The following NLGN1 variants were observed in gnomAD, a reference collection of about 807,000 sequenced individuals.
NLGN1 encodes neuroligin-1.
In NLGN1, 12 loss-of-function variants were observed where a neutral mutation model predicts 65.5. The observed-to-expected ratio is 0.18, with a 90% CI of 0.12 to 0.30. The LOEUF is 0.30. NLGN1 is among the 10% of genes least tolerant of loss of function. The pLI, the probability that NLGN1 is intolerant of heterozygous loss-of-function variation, is 1.00. For synonymous variants in NLGN1, 350 were observed against 359.5 expected, an observed-to-expected ratio of 0.97 and a Z score of 0.30; for missense variants, 750 against 1,007.1, an observed-to-expected ratio of 0.74 and a Z score of 3.46.
At chr3:173,621,457 G>T (rs1392377198) in intron 3 of NLGN1, among the ~76,000 whole-genome samples, 1 of 152,056 alleles carries the variant, frequency 6.6e-6, no homozygotes, top group East Asian at 1.9e-4. Context: ...TAAAATATCA[G>T]AACCCTGGAG....
intron 3 of NLGN1, among the ~76,000 whole-genome samples, chr3:173,626,038 G>C (rs1175921034): frequency 6.6e-6 from 1 of 151,936 alleles, no homozygotes; most frequent in African/African-American, 2.4e-5. Flanking sequence ...TCCCTTCTCT[G>C]TTTATAACCT....
chr3:173,689,646 T>C (rs1309770961), intron 3 of NLGN1, among the ~76,000 whole-genome samples: 3 of 152,280 alleles, frequency 2.0e-5, no homozygotes, highest in Non-Finnish European at 4.4e-5. Context: ...TCCCATGCGC[T>C]GCAAAATCAT....
At chr3:173,448,914 T>C (rs1237840334) in intron 2 of NLGN1, among the ~76,000 whole-genome samples, 1 of 152,212 alleles carries the variant, frequency 6.6e-6, no homozygotes, top group Non-Finnish European at 1.5e-5. Flanking sequence ...TGACATCCCC[T>C]TTTTCATTTT....
chr3:173,443,908 G>C (rs1052259171), intron 2 of NLGN1, among the ~76,000 whole-genome samples: 1 of 152,042 alleles, frequency 6.6e-6, no homozygotes, highest in Non-Finnish European at 1.5e-5. Flanking sequence ...TGTATAAATG[G>C]CTCACTTAAC....
intron 2 of NLGN1, among the ~76,000 whole-genome samples, chr3:173,513,879 T>A (rs1577054011): frequency 6.8e-6 from 1 of 148,092 alleles, no homozygotes; most frequent in Non-Finnish European, 1.5e-5. Context: ...TACAAAAAAA[T>A]TAGCCGGGTG....
Position 174,138,298 on chromosome 3 carries a change from C to T in NLGN1, c.647-137017C>T, listed in dbSNP as rs1310715178. 5.3e-5 allele frequency among the ~76,000 whole-genome samples: 8 copies of T among 152,160 alleles called. No individual in the cohort carries two copies. The East Asian group carries it at 1.5e-3, about 29-fold the overall frequency. ...AGTTATCAGAAAAAAATGTTGGTTGCCACAATGTATGCAAATTATTTTCAA... is the reference window on the plus strand; with the variant it reads ...AGTTATCAGAAAAAAATGTTGGTTGTCACAATGTATGCAAATTATTTTCAA... On this transcript the variant is annotated intron_variant, in intron 4 of 6. Coordinates refer to ENST00000457714, the Ensembl canonical transcript of NLGN1.
At chr3:173,512,605 G>A (rs980209519) in intron 2 of NLGN1, among the ~76,000 whole-genome samples, 2 of 152,144 alleles carry the variant, frequency 1.3e-5, no homozygotes, top group East Asian at 1.9e-4. Context: ...GGAAACATTC[G>A]ATTGATAAAA....
chr3:173,618,717 G>T (rs2149494335), intron 3 of NLGN1, among the ~76,000 whole-genome samples: 1 of 152,228 alleles, frequency 6.6e-6, no homozygotes. Flanking sequence ...TAAATAGAGT[G>T]GCCAGTGGCT....
chr3:173,488,902 C>CTT (rs528549330), intron 2 of NLGN1, among the ~76,000 whole-genome samples: 4,415 of 143,982 alleles, frequency 0.031, 203 homozygotes, highest in African/African-American at 0.1. Context: ...CTTCAGCTTT[C>CTT]TTTTTTTTTT....
At chr3:173,405,351 A>G (rs891291179) in intron 1 of NLGN1, among the ~76,000 whole-genome samples, 5 of 151,524 alleles carry the variant, frequency 3.3e-5, no homozygotes, top group African/African-American at 1.2e-4. Context: ...TTGTCTGGTC[A>G]TGCTAAGAAG....
chr3:173,429,515 G>A (rs1403239724), intron 1 of NLGN1, among the ~76,000 whole-genome samples: 4 of 152,070 alleles, frequency 2.6e-5, no homozygotes, highest in Non-Finnish European at 4.4e-5. Context: ...TTGTCTTTTC[G>A]TGGAGGTCAT....
At chr3:174,114,824 A>G (rs760827656) in intron 4 of NLGN1, among the ~76,000 whole-genome samples, 2 of 152,128 alleles carry the variant, frequency 1.3e-5, no homozygotes, top group Admixed American at 6.6e-5. Context: ...TAACAATACT[A>G]GGAAGAGACT....
chr3:173,933,984 A>T (rs1286790698), intron 4 of NLGN1, among the ~76,000 whole-genome samples: 1 of 151,852 alleles, frequency 6.6e-6, no homozygotes, highest in Non-Finnish European at 1.5e-5. Flanking sequence ...CCTCTCATTG[A>T]AGGAGAAATG....
At chr3:174,063,426 A>C (rs867274418) in intron 4 of NLGN1, among the ~76,000 whole-genome samples, 1 of 152,186 alleles carries the variant, frequency 6.6e-6, no homozygotes, top group African/African-American at 2.4e-5. Context: ...AGAGCACTGG[A>C]AATTATCAAT....
chr3:173,667,232 C>T (rs931613949), intron 3 of NLGN1, among the ~76,000 whole-genome samples: 7 of 135,644 alleles, frequency 5.2e-5, no homozygotes, highest in East Asian at 4.7e-4. Context: ...ATGAAACACA[C>T]GCATATGCAC....
intron 4 of NLGN1, among the ~76,000 whole-genome samples, chr3:174,017,780 G>A (rs1275393706): frequency 1.3e-5 from 2 of 152,046 alleles, no homozygotes; most frequent in Non-Finnish European, 2.9e-5. Flanking sequence ...TGCTTCACAA[G>A]GTAATAAAAT....
chr3:174,259,829 C>A (rs1256963710), intron 4 of NLGN1, among the ~76,000 whole-genome samples: 3 of 113,588 alleles, frequency 2.6e-5, no homozygotes, highest in Non-Finnish European at 5.3e-5. Context: ...TGCTATCCCT[C>A]CCCCCTCCCC....
At chr3:173,519,098 A>G (rs985215495) in intron 2 of NLGN1, among the ~76,000 whole-genome samples, 1 of 152,202 alleles carries the variant, frequency 6.6e-6, no homozygotes, top group Non-Finnish European at 1.5e-5. Flanking sequence ...GGTGCAAACT[A>G]TAAGTCTTTG....
At chr3:173,930,931 A>G (rs1453285974) in intron 4 of NLGN1, among the ~76,000 whole-genome samples, 1 of 152,162 alleles carries the variant, frequency 6.6e-6, no homozygotes, top group Non-Finnish European at 1.5e-5. Context: ...TAAAGAGAAA[A>G]TAGTACTACC....
Sources: gnomAD v4.1 joint callset for allele counts (sites outside exome capture counted in the v4.1 genomes callset) on GRCh38, gnomAD v4.1.1 for gene constraint, MANE v1.5 for transcripts, NCBI Gene and HGNC (gene_info 2026-07-23, HGNC 2026-07-21) for gene names.